Variants in PUM1 observed in about 807,000 individuals in gnomAD.
PUM1 encodes the protein pumilio RNA binding family member 1.
A neutral mutation model predicts 131.8 loss-of-function variants in PUM1; 13 were observed. The observed-to-expected ratio is 0.10, with a 90% CI of 0.06 to 0.16. The LOEUF (loss-of-function observed/expected upper bound fraction) is 0.16. PUM1 is among the 10% of genes least tolerant of loss of function. The pLI is 1.00. For synonymous variants in PUM1, 509 were observed against 556.5 expected (o/e 0.91, Z 1.20); for missense variants, 961 against 1,512.4 (o/e 0.64, Z 6.05).
At chr1:31,027,222 T>C (rs988107996) in intron 3 of PUM1, among the ~76,000 whole-genome samples, 4 of 152,086 alleles carry the variant, frequency 2.6e-5, no homozygotes, top group African/African-American at 9.7e-5. Flanking sequence ...GGCAGAAGGA[T>C]CACTTGAGCC....
intron 2 of PUM1, among the ~76,000 whole-genome samples, chr1:31,049,124 G>T (rs1159334314): frequency 6.6e-6 from 1 of 152,096 alleles, no homozygotes; most frequent in Non-Finnish European, 1.5e-5. Flanking sequence ...AGAATCACCT[G>T]AACCTGGGAG....
At chr1:31,002,450 AC>A (rs137962808) in intron 5 of PUM1, among the ~76,000 whole-genome samples, 43,024 of 152,004 alleles carry the variant, frequency 0.28, 6,563 homozygotes, top group Non-Finnish European at 0.34. Context: ...GGCACCATAA[AC>A]CAGCAAGGTA....
intron 9 of PUM1, among the ~76,000 whole-genome samples, chr1:30,975,825 T>C (rs956808351): frequency 6.6e-6 from 1 of 152,096 alleles, no homozygotes; most frequent in Admixed American, 6.5e-5. Context: ...GCATTCTCTG[T>C]AACCCCAGCA....
chr1:30,940,010 C>T (rs1639377736), intron 20 of PUM1, among the ~76,000 whole-genome samples: 1 of 152,000 alleles, frequency 6.6e-6, no homozygotes, highest in Admixed American at 6.6e-5. Context: ...GATTCTGATC[C>T]CCATTCCTCA....
intron 14 of PUM1, among the ~76,000 whole-genome samples, chr1:30,954,632 C>T (rs1282244981): frequency 6.6e-6 from 1 of 152,144 alleles, no homozygotes; most frequent in East Asian, 1.9e-4. Flanking sequence ...CAGCTCTTAA[C>T]AATTTCTATT....
intron 3 of PUM1, among the ~76,000 whole-genome samples, chr1:31,022,077 GAAA>G (rs57578146): frequency 7.2e-6 from 1 of 139,854 alleles, no homozygotes; most frequent in African/African-American, 2.6e-5. Context: ...TCCGAGCCTA[GAAA>G]AAAAAAAAAA....
intron 2 of PUM1, among the ~76,000 whole-genome samples, chr1:31,043,727 T>C (rs2124574810): frequency 6.6e-6 from 1 of 152,294 alleles, no homozygotes; most frequent in Middle Eastern, 3.4e-3. Flanking sequence ...TTCCCGGGTT[T>C]GTAAACAAGT....
intron 6 of PUM1, among the ~76,000 whole-genome samples, chr1:30,993,482 T>C (rs1641873198): frequency 6.6e-6 from 1 of 152,104 alleles, no homozygotes; most frequent in African/African-American, 2.4e-5. Context: ...TATAATATTA[T>C]ATAAACAGAA....
intron 3 of PUM1, among the ~76,000 whole-genome samples, chr1:31,008,671 G>A (rs543354826): frequency 3.3e-5 from 5 of 152,106 alleles, no homozygotes; most frequent in East Asian, 1.9e-4. Context: ...AGAAAATATC[G>A]TTCAAGTTGC....
At chr1:31,016,465 C>T (rs1395034122) in intron 3 of PUM1, among the ~76,000 whole-genome samples, 3 of 152,036 alleles carry the variant, frequency 2.0e-5, no homozygotes, top group Middle Eastern at 3.4e-3. Context: ...TCCAAATTCT[C>T]GTTTTGCATT....
chr1:30,932,950 A>C lies in PUM1; in HGVS notation c.*261T>G. 3.1e-6 allele frequency: 1 copy of C among 320,378 alleles called. No homozygotes were observed. The highest frequency in any genetic ancestry group is 5.7e-6 in the Non-Finnish European group (1 of 176,848). 19.8% of individuals were successfully genotyped at this position (320,378 alleles called of 1,614,324 possible). A position where few individuals can be genotyped will look rare whatever the true frequency, so the allele number is the denominator to read the frequency against. ...GGCCTCCCATGTACATTGGTTACCT[A>C]TGTACAAGTATCCTATACACCAGTA... On this transcript the variant is annotated 3_prime_UTR_variant, in exon 22 of 22. Coordinates refer to ENST00000426105, the MANE Select transcript of PUM1 (RefSeq NM_001020658.2).
At chr1:31,005,204 TAAAAAG>T (rs1276959328) in intron 5 of PUM1, among the ~76,000 whole-genome samples, 1 of 152,108 alleles carries the variant, frequency 6.6e-6, no homozygotes, top group Admixed American at 6.5e-5. Flanking sequence ...GCTTAAGACT[TAAAAAG>T]AAAAAGGCTA....
At chr1:30,957,147 G>A (rs1035083615) in intron 14 of PUM1, among the ~76,000 whole-genome samples, 5 of 143,652 alleles carry the variant, frequency 3.5e-5, no homozygotes, top group Non-Finnish European at 7.6e-5. Flanking sequence ...AAGAAATATA[G>A]ACATCTCTGA....
At chr1:30,994,072 A>C in intron 6 of PUM1, among the ~76,000 whole-genome samples, 1 of 152,316 alleles carries the variant, frequency 6.6e-6, no homozygotes, top group East Asian at 1.9e-4. Context: ...CCTGTCTCCA[A>C]AAAATAAATA....
chr1:31,020,757 A>G (rs1455371682), intron 3 of PUM1, among the ~76,000 whole-genome samples: 2 of 152,216 alleles, frequency 1.3e-5, no homozygotes, highest in South Asian at 2.1e-4. Flanking sequence ...ATTATAGGAA[A>G]CAAATATTTC....
At chr1:30,957,289 A>G (rs1640208422) in intron 14 of PUM1, among the ~76,000 whole-genome samples, 1 of 152,230 alleles carries the variant, frequency 6.6e-6, no homozygotes, top group Non-Finnish European at 1.5e-5. Context: ...CTAAATTGTA[A>G]TATCTTGTTT....
chr1:30,987,537 G>T (rs1325181818), intron 7 of PUM1, among the ~76,000 whole-genome samples: 1 of 152,110 alleles, frequency 6.6e-6, no homozygotes, highest in Non-Finnish European at 1.5e-5. Context: ...AAGGAAACAG[G>T]CAACTGTATA....
At chr1:30,986,524 G>A (rs1230777977) in intron 7 of PUM1, among the ~76,000 whole-genome samples, 3 of 151,218 alleles carry the variant, frequency 2.0e-5, no homozygotes, top group Non-Finnish European at 4.4e-5. Flanking sequence ...TTTCGTAGGC[G>A]CATACAAATT....
chr1:30,975,496 G>A (rs981823770), intron 9 of PUM1, among the ~76,000 whole-genome samples: 11 of 147,320 alleles, frequency 7.5e-5, no homozygotes, highest in Non-Finnish European at 1.5e-4. Context: ...GATTACAGAT[G>A]CATGCCACTA....
Sources: allele counts gnomAD v4.1 joint callset (sites outside exome capture counted in the v4.1 genomes callset), GRCh38; gene constraint gnomAD v4.1.1; transcripts MANE v1.5; gene names NCBI Gene and HGNC (gene_info 2026-07-23, HGNC 2026-07-21).